The following PDCL3 variants were observed in gnomAD, a reference collection of about 807,000 sequenced individuals.
PDCL3 encodes phosducin like 3.
A neutral mutation model predicts 26.5 loss-of-function variants in PDCL3; 22 were observed. The ratio of observed to expected loss-of-function variants is 0.83; its 90% CI spans 0.59 to 1.19. The LOEUF (loss-of-function observed/expected upper bound fraction) is 1.19, where lower values mean the gene tolerates loss of function less well. Ranked by LOEUF, PDCL3 falls within the 50% of genes most tolerant of loss-of-function variation. PDCL3 has a pLI of 0.00. For synonymous variants in PDCL3, 81 were observed against 104.9 expected (o/e 0.77, Z 1.39); for missense variants, 246 against 294.1 (o/e 0.84, Z 1.20).
Position 100,569,587 on chromosome 2 carries a change from A to G in PDCL3, c.234A>G (p.Arg78=). 6.2e-7 allele frequency: 1 copy of G among 1,613,120 alleles called. No individual in the cohort carries two copies. ...ERAIEMYRRR[R]LAEWKATKLK... is the part of the protein sequence containing the mutation. ...TCCTTGTTTTGTGCAGACGGCGGAG[A>G]CTGGCTGAGTGGAAAGCAACTAAAC... Residue 78 remains arginine (R), a synonymous_variant, in exon 4 of 6, where the codon AGA becomes AGG. Transcript: ENST00000264254.
At chr2:100,565,337 C>G (rs533055885) in intron 1 of PDCL3, among the ~76,000 whole-genome samples, 10 of 148,910 alleles carry the variant, frequency 6.7e-5, no homozygotes, top group African/African-American at 2.2e-4. Context: ...TGCAGCGGCT[C>G]GATCTCGGCT....
In PDCL3 at chr2:100,563,092, C is replaced by G; in HGVS notation, c.6+19C>G. On this transcript the variant is annotated intron_variant, in intron 1 of 5. Coordinates refer to ENST00000264254, the MANE Select transcript of PDCL3 (RefSeq NM_024065.5). ...GATGCAGGTGAGCTAGGACGGGTCT[C>G]GGGTCTGGGGGCTGCGGCCCGTTCC... 1 of 1,601,026 alleles carries G rather than the reference C, an allele frequency of 6.2e-7. No individual in the cohort carries two copies. The highest frequency in any genetic ancestry group is 8.5e-7 in the Non-Finnish European group (1 of 1,174,504).
chr2:100,570,439 T>G (rs1208081676), intron 4 of PDCL3, among the ~76,000 whole-genome samples: 1 of 152,006 alleles, frequency 6.6e-6, no homozygotes, highest in African/African-American at 2.4e-5. Context: ...CAGTCTTGTC[T>G]TAAACTGTAG....
intron 5 of PDCL3, 113 bp downstream of exon 5, chr2:100,571,911 C>A (rs200567426): frequency 1.1e-6 from 1 of 912,618 alleles, no homozygotes; most frequent in Non-Finnish European, 1.8e-6. Flanking sequence ...TTCACTTCTG[C>A]CTGTGTATGA....
chr2:100,563,633 T>C (rs1361094829), intron 1 of PDCL3: 1 of 151,774 alleles, frequency 6.6e-6, no homozygotes, highest in African/African-American at 2.4e-5. Flanking sequence ...TTTTTTTTTT[T>C]TTTATTAAAA....
intron 5 of PDCL3, among the ~76,000 whole-genome samples, chr2:100,572,608 C>G (rs557690893): frequency 1.3e-5 from 2 of 151,984 alleles, no homozygotes; most frequent in African/African-American, 2.4e-5. Context: ...ACCTCTGCCC[C>G]CCAGGTTCAA....
chr2:100,565,144 T>G (rs1335356941), intron 1 of PDCL3, among the ~76,000 whole-genome samples: 4 of 152,162 alleles, frequency 2.6e-5, no homozygotes, highest in Non-Finnish European at 5.9e-5. Context: ...ATTTTTGTGT[T>G]TTTAGTGGAG....
chr2:100,563,139 G>A (rs1674981740), intron 1 of PDCL3, 66 bp downstream of exon 1: 1 of 1,545,736 alleles, frequency 6.5e-7, no homozygotes, highest in African/African-American at 1.4e-5. Flanking sequence ...AGGCCCGGGC[G>A]GGCAGTGGAC....
At chr2:100,569,437 T>C in intron 3 of PDCL3, 141 bp from the exon 4 acceptor site, 2 of 967,896 alleles carry the variant, frequency 2.1e-6, no homozygotes, top group Non-Finnish European at 3.0e-6. Flanking sequence ...TTAAATAATA[T>C]TGTGAATTTT....
intron 1 of PDCL3, chr2:100,563,302 G>T: frequency 2.0e-6 from 1 of 497,228 alleles, no homozygotes; most frequent in Non-Finnish European, 3.5e-6. Context: ...CCCAAACCTC[G>T]TCCTCCGGGA....
Position 100,576,423 on chromosome 2 carries a change from T to C in PDCL3, c.647T>C (p.Ile216Thr), listed in dbSNP as rs139282881. The C allele has an allele frequency of 2.1e-5, 34 of 1,613,848 alleles. 1 individual carries two copies. The highest frequency in any genetic ancestry group is 2.8e-5 in the Non-Finnish European group (33 of 1,179,876). Residue 216 changes from isoleucine to threonine, a missense_variant, in exon 6 of 6, where the codon ATT becomes ACT. Coordinates refer to ENST00000264254, the MANE Select transcript of PDCL3 (RefSeq NM_024065.5). Reference protein sequence around the residue: ...TDLEENPKKPIEDVLLSSVRR... With the variant: ...TDLEENPKKPTEDVLLSSVRR... ...CTGGAGGAAAACCCTAAGAAGCCGATTGAAGACGTGTTGCTGTCCTCAGTG... is the reference window on the plus strand; with the variant it reads ...CTGGAGGAAAACCCTAAGAAGCCGACTGAAGACGTGTTGCTGTCCTCAGTG...
chr2:100,566,520 T>C lies in PDCL3; in HGVS notation c.24T>C (p.Thr8=), dbSNP rs1675065008. 6.2e-7 allele frequency: 1 copy of C among 1,612,652 alleles called. No homozygotes were observed. Among genetic ancestry groups the C allele is most frequent in the Non-Finnish European group, 8.5e-7 (1 of 1,179,812 alleles). MQDPNAD[T]EWNDILRKKG... ...TCTTCTAGGACCCCAACGCAGACAC[T>C]GAATGGAATGACATCTTACGCAAAA... The change falls in exon 2 of 6, where the codon ACT becomes ACC. Residue 8 remains threonine, a synonymous_variant. Coordinates refer to ENST00000264254, the MANE Select transcript of PDCL3 (RefSeq NM_024065.5).
intron 4 of PDCL3, 38 bp from the exon 5 acceptor site, chr2:100,571,552 G>A (rs1675168388): frequency 1.3e-6 from 2 of 1,582,038 alleles, no homozygotes; most frequent in African/African-American, 1.3e-5. Context: ...ATAAATGTAG[G>A]ATCATAATTG....
chr2:100,571,859 G>C, intron 5 of PDCL3, 61 bp downstream of exon 5: 1 of 1,529,482 alleles, frequency 6.5e-7, no homozygotes, highest in Non-Finnish European at 9.1e-7. Context: ...CTGTTGGAGA[G>C]AGTGTCTATT....
At chr2:100,574,441 C>A (rs1019103069) in intron 5 of PDCL3, among the ~76,000 whole-genome samples, 1 of 142,914 alleles carries the variant, frequency 7.0e-6, no homozygotes, top group Non-Finnish European at 1.5e-5. Flanking sequence ...TCGTGGAACA[C>A]TTTTTTTTTT....
chr2:100,566,205 C>G (rs918975932), intron 1 of PDCL3, among the ~76,000 whole-genome samples: 8 of 113,390 alleles, frequency 7.1e-5, no homozygotes, highest in Admixed American at 2.4e-4. Context: ...GCCCGGCACT[C>G]TCAGTCATTA....
At chr2:100,572,014 T>C (rs1675187762) in intron 5 of PDCL3, 2 of 553,394 alleles carry the variant, frequency 3.6e-6, no homozygotes, top group South Asian at 4.6e-5. Context: ...GAAGGCGTGA[T>C]AGACTTAAAT....
intron 2 of PDCL3, 107 bp from the exon 3 acceptor site, chr2:100,568,824 C>G: frequency 1.2e-6 from 1 of 842,736 alleles, no homozygotes; most frequent in South Asian, 1.5e-5. Context: ...GGCTAAGGAT[C>G]TGGTGTTGTG....
At chr2:100,570,349 A>T (rs1179290598) in intron 4 of PDCL3, among the ~76,000 whole-genome samples, 1 of 152,118 alleles carries the variant, frequency 6.6e-6, no homozygotes, top group African/African-American at 2.4e-5. Context: ...AATTTATCTC[A>T]TAGATGGCAA....
Sources: gnomAD v4.1 joint callset for allele counts (sites outside exome capture counted in the v4.1 genomes callset) on GRCh38, gnomAD v4.1.1 for gene constraint, MANE v1.5 for transcripts, NCBI Gene and HGNC (gene_info 2026-07-23, HGNC 2026-07-21) for gene names.